The following SLC35G1 variants were observed in gnomAD, a reference collection of about 807,000 sequenced individuals.
The protein encoded by SLC35G1 is solute carrier family 35 member G1, also known as partner of STIM1.
SLC35G1 carries 10 observed loss-of-function variants against 17.1 expected under a neutral mutation model. The ratio of observed to expected loss-of-function variants is 0.59; its 90% CI spans 0.36 to 0.99. The LOEUF is 0.99. Ranked by LOEUF, SLC35G1 falls within the 50% of genes least tolerant of loss-of-function variation. SLC35G1 has a pLI of 0.01. For missense variants in SLC35G1, 433 were observed against 468.4 expected, an observed-to-expected ratio of 0.92 and a Z score of 0.70; for synonymous variants, 185 against 181.1, an observed-to-expected ratio of 1.02 and a Z score of -0.18.
chr10:93,905,452 A>C (rs2060422554), downstream of SLC35G1, among the ~76,000 whole-genome samples: 1 of 152,128 alleles, frequency 6.6e-6, no homozygotes, highest in Non-Finnish European at 1.5e-5. Context: ...CTGCAAGATA[A>C]CCTATCAGGG....
chr10:93,900,636 A>AGG, intron 2 of SLC35G1, 116 bp from the exon 3 acceptor site: 1 of 775,868 alleles, frequency 1.3e-6, no homozygotes. Flanking sequence ...TAATTAATTT[A>AGG]CTATTCCCTC....
intron 1 of SLC35G1, among the ~76,000 whole-genome samples, chr10:93,895,264 T>C (rs1036786334): frequency 6.6e-6 from 1 of 152,190 alleles, no homozygotes; most frequent in African/African-American, 2.4e-5. Flanking sequence ...GGAAGACTAT[T>C]CTTGCTCCAT....
chr10:93,904,647 G>A (rs1183469462), downstream of SLC35G1, among the ~76,000 whole-genome samples: 1 of 152,180 alleles, frequency 6.6e-6, no homozygotes, highest in Non-Finnish European at 1.5e-5. Context: ...GGAAGAGTGG[G>A]TAAAGCACTG....
chr10:93,907,676 G>A (rs915792280), downstream of SLC35G1: 2 of 152,196 alleles, frequency 1.3e-5, no homozygotes, highest in African/African-American at 4.8e-5. Flanking sequence ...AGGAGGATAT[G>A]CAAGAAACTG....
chr10:93,906,689 C>G (rs2060431254), downstream of SLC35G1, among the ~76,000 whole-genome samples: 1 of 151,910 alleles, frequency 6.6e-6, no homozygotes. Context: ...TAGCCTGTGA[C>G]AGATAAAATT....
At chr10:93,895,023 A>T (rs1441582333) in intron 1 of SLC35G1, among the ~76,000 whole-genome samples, 1 of 152,214 alleles carries the variant, frequency 6.6e-6, no homozygotes, top group Non-Finnish European at 1.5e-5. Flanking sequence ...ACTGGCCACA[A>T]GTGCTGCTTC....
Position 93,898,743 on chromosome 10 carries a change from A to G in SLC35G1, c.351A>G (p.Ile117Met), listed in dbSNP as rs754389880. The G allele has an allele frequency of 7.7e-5, 123 of 1,597,582 alleles. No homozygotes were observed. Among genetic ancestry groups the G allele is most frequent in the Middle Eastern group, 1.7e-4 (1 of 5,956 alleles). ...TGCTAGTTGTTATCCCTTGCTTAAT[A>G]TACAGAAAGTAAGTATTTTTTAACT... is the stretch of plus-strand genomic sequence containing the variant. ...FQMLVVIPCLIYRKTGFIGPK... is the reference protein window; with the variant it reads ...FQMLVVIPCLMYRKTGFIGPK... The change falls in exon 2 of 3, where the codon ATA (isoleucine) becomes ATG (methionine). Residue 117 changes from isoleucine to methionine, a missense_variant. Coordinates refer to ENST00000427197, the MANE Select transcript of SLC35G1 (RefSeq NM_001134658.3).
intron 2 of SLC35G1, among the ~76,000 whole-genome samples, chr10:93,900,378 TTACC>T (rs1290666797): frequency 6.6e-6 from 1 of 152,120 alleles, no homozygotes; most frequent in Non-Finnish European, 1.5e-5. Flanking sequence ...AGAAAGAAAA[TTACC>T]TATGAGTTTA....
At position 93,902,492 on chromosome 10, in the gene SLC35G1, A is replaced by C. The variant is rs557705635; in HGVS notation, c.*1002A>C. ...TTTACTATTTTAACTTAGAAAAACCATCGTTTCATATGATTCACCCTAATA... is the reference window on the plus strand; with the variant it reads ...TTTACTATTTTAACTTAGAAAAACCCTCGTTTCATATGATTCACCCTAATA... On this transcript the variant is annotated 3_prime_UTR_variant, in exon 3 of 3. Coordinates refer to ENST00000427197, the MANE Select transcript of SLC35G1 (RefSeq NM_001134658.3). The C allele has an allele frequency of 6.5e-6, 1 of 152,738 alleles. No individual in the cohort carries two copies. 9.5% of individuals were successfully genotyped at this position (152,738 alleles called of 1,614,324 possible). A position where few individuals can be genotyped will look rare whatever the true frequency, so the allele number is the denominator to read the frequency against.
chr10:93,902,757 G>C lies in SLC35G1; in HGVS notation c.*1267G>C, dbSNP rs1478187254. 6.6e-6 allele frequency: 1 copy of C among 152,592 alleles called. No individual in the cohort carries two copies. The allele number at this position is 152,592 out of a possible 1,614,324, so 9.5% of individuals were successfully genotyped here. The stretch of plus-strand genomic sequence containing the variant: ...CTAGTTTATCAGCATGATGTTAAAT[G>C]TCAGTGCCATACCATGATGCAGCAC... On this transcript the variant is annotated 3_prime_UTR_variant, in exon 3 of 3. Transcript: ENST00000427197.
chr10:93,900,828 C>T lies in SLC35G1; in HGVS notation c.436C>T (p.Leu146Phe), dbSNP rs1229989573. 6.2e-7 allele frequency: 1 copy of T among 1,614,068 alleles called. No homozygotes were observed. Among genetic ancestry groups the T allele is most frequent in the South Asian group, 1.1e-5 (1 of 91,076 alleles). The change falls in exon 3 of 3, where the codon CTT (leucine) becomes TTT (phenylalanine). Residue 146 changes from leucine (L) to phenylalanine (F), a missense_variant. Leu to Phe is a conservative substitution (Grantham distance 22). Transcript: ENST00000427197. ...AGTCCTTGGTTCTACCGCCATGATG[C>T]TTATATACTATGCTTACCAGACAAT... ...RGVLGSTAMM[L>F]IYYAYQTMSL...
rs1019144544 is a variant in SLC35G1, at chr10:93,900,653, T to C, written c.360-99T>C. Reference sequence around the variant, plus strand: ...ATTAATTTACTATTCCCTCATTTTTTGATATTTAGTACTTTTAAAATAATG... The same window carrying C: ...ATTAATTTACTATTCCCTCATTTTTCGATATTTAGTACTTTTAAAATAATG... On this transcript the variant is annotated intron_variant, in intron 2 of 2. Transcript: ENST00000427197. 17 of 964,570 alleles carry C rather than the reference T, an allele frequency of 1.8e-5. No individual in the cohort carries two copies. In the Admixed American group the frequency reaches 2.0e-4, roughly 11 times the overall value. The allele number at this position is 964,570 out of a possible 1,614,324, so 59.8% of individuals were successfully genotyped here.
intron 1 of SLC35G1, among the ~76,000 whole-genome samples, chr10:93,894,688 A>G (rs1287567903): frequency 6.6e-6 from 1 of 152,174 alleles, no homozygotes; most frequent in Non-Finnish European, 1.5e-5. Context: ...AGAATCTTGG[A>G]AAGGCAGAGA....
exon 3 of SLC35G1, chr10:93,909,618 A>G (rs898613129): frequency 2.0e-5 from 3 of 152,174 alleles, no homozygotes; most frequent in African/African-American, 7.2e-5. Context: ...TGGCCCAATG[A>G]GTACACAGTC....
downstream of SLC35G1, among the ~76,000 whole-genome samples, chr10:93,905,587 T>G (rs972950263): frequency 1.3e-5 from 2 of 152,044 alleles, no homozygotes; most frequent in African/African-American, 4.8e-5. Context: ...AATTCAGGGG[T>G]GGGCTTTATA....
downstream of SLC35G1, among the ~76,000 whole-genome samples, chr10:93,906,704 A>G (rs2060431474): frequency 6.6e-6 from 1 of 152,210 alleles, no homozygotes; most frequent in South Asian, 2.1e-4. Flanking sequence ...AAAATTCACA[A>G]AAATTAGATA....
intron 2 of SLC35G1, 104 bp from the exon 3 acceptor site, chr10:93,900,646 CAT>C: frequency 2.2e-6 from 2 of 900,464 alleles, no homozygotes; most frequent in Non-Finnish European, 3.2e-6. Flanking sequence ...ACTATTCCCT[CAT>C]TTTTTGATAT....
At position 93,903,040 on chromosome 10, in the gene SLC35G1, T is replaced by C. The variant is rs2060404301; in HGVS notation, c.*1550T>C. 1 of 152,208 alleles carries C rather than the reference T, an allele frequency of 6.6e-6. No homozygotes were observed. Among genetic ancestry groups the C allele is most frequent in the Non-Finnish European group, 1.5e-5 (1 of 68,034 alleles). 9.4% of individuals were successfully genotyped at this position (152,208 alleles called of 1,614,324 possible). On this transcript the variant is annotated 3_prime_UTR_variant, in exon 3 of 3. Transcript: ENST00000427197. ...CAGAGTTGAAAGGTTATAGGCTCTTTCCTACCCTCTCATCATAATTTTTCC... is the reference window on the plus strand; with the variant it reads ...CAGAGTTGAAAGGTTATAGGCTCTTCCCTACCCTCTCATCATAATTTTTCC...
Position 93,901,705 on chromosome 10 carries a change from T to TTGG in SLC35G1, c.*216_*217insGGT, listed in dbSNP as rs2060387370. ...GGTAGCTTTGGTTTTGGTTTTGGTTTTTTTTGTTGTTGTTGTTGGGGTCAA... is the reference window on the plus strand; with the variant it reads ...GGTAGCTTTGGTTTTGGTTTTGGTTTTGGTTTTTGTTGTTGTTGTTGGGGTCAA... On this transcript the variant is annotated 3_prime_UTR_variant, in exon 3 of 3. Coordinates refer to ENST00000427197, the MANE Select transcript of SLC35G1 (RefSeq NM_001134658.3). 2.2e-6 allele frequency: 1 copy of TTGG among 448,566 alleles called. No individual in the cohort carries two copies. Among genetic ancestry groups the TTGG allele is most frequent in the Non-Finnish European group, 3.6e-6 (1 of 281,104 alleles). 27.8% of individuals were successfully genotyped at this position (448,566 alleles called of 1,614,324 possible). A position where few individuals can be genotyped will look rare whatever the true frequency, so the allele number is the denominator to read the frequency against.
Sources: gnomAD v4.1 joint callset for allele counts (sites outside exome capture counted in the v4.1 genomes callset) on GRCh38, gnomAD v4.1.1 for gene constraint, MANE v1.5 for transcripts, NCBI Gene and HGNC (gene_info 2026-07-23, HGNC 2026-07-21) for gene names.